The following MTARC1 variants were observed in gnomAD, a reference collection of about 807,000 sequenced individuals.
MTARC1 encodes the protein mitochondrial amidoxime-reducing component 1.
MTARC1 carries 24 observed loss-of-function variants against 33.6 expected under a neutral mutation model. The observed-to-expected ratio is 0.72, with a 90% CI of 0.52 to 1.01. The LOEUF is 1.01. MTARC1 is among the 50% of genes least tolerant of loss of function. The pLI, the probability that MTARC1 is intolerant of heterozygous loss-of-function variation, is 0.00. For synonymous variants in MTARC1, 187 were observed against 189.5 expected (o/e 0.99, Z 0.11); for missense variants, 417 against 445.7 (o/e 0.94, Z 0.58).
At chr1:220,804,717 C>T (rs919930441) in intron 4 of MTARC1, among the ~76,000 whole-genome samples, 2 of 151,090 alleles carry the variant, frequency 1.3e-5, no homozygotes, top group African/African-American at 4.9e-5. Context: ...CACTTTCACC[C>T]ACCCCATTCA....
rs1558081488 is a variant in MTARC1, at chr1:220,787,121, GC to G, written c.178del (p.Gln60SerfsTer7). 6.5e-7 allele frequency: 1 copy of G among 1,547,476 alleles called. No homozygotes were observed. The highest frequency in any genetic ancestry group is 1.9e-5 in the Admixed American group (1 of 51,390). ...TGCTGCAGCAGGTGGGCACAGTGGC[GC>G]AGCTCTGGATCTACCCTGTGAAATC... ...RLLQQVGTVA[Q>X]LWIYPVKSCK... On this transcript the variant is annotated frameshift_variant, in exon 1 of 7. Transcript: ENST00000366910. LOFTEE classifies it high-confidence loss of function.
chr1:220,807,275 A>G (rs1029292016), intron 6 of MTARC1, among the ~76,000 whole-genome samples: 7 of 152,200 alleles, frequency 4.6e-5, no homozygotes, highest in Non-Finnish European at 1.0e-4. Context: ...GGATAGATAC[A>G]TGTGTGATAA....
chr1:220,810,568 C>T (rs1673099662), intron 6 of MTARC1, among the ~76,000 whole-genome samples: 1 of 149,734 alleles, frequency 6.7e-6, no homozygotes, highest in Non-Finnish European at 1.5e-5. Context: ...CAAAGCAGCT[C>T]CCTCACCCCG....
At chr1:220,804,309 A>C (rs1672901796) in intron 4 of MTARC1, among the ~76,000 whole-genome samples, 2 of 152,200 alleles carry the variant, frequency 1.3e-5, no homozygotes, top group Admixed American at 1.3e-4. Flanking sequence ...CATTGCCAGC[A>C]CAGTTAAACC....
chr1:220,790,367 A>C (rs1179804080), intron 1 of MTARC1, among the ~76,000 whole-genome samples: 1 of 152,226 alleles, frequency 6.6e-6, no homozygotes, highest in East Asian at 1.9e-4. Flanking sequence ...TCCTGAAAGC[A>C]GGAACCATGG....
Position 220,813,849 on chromosome 1 carries a change from C to T in MTARC1, c.*431C>T, listed in dbSNP as rs553601232. ...TGTTATTGCCCCTGTTCATGAGGTA[C>T]GCAATGAAAATTAAATTGCACCCCA... On this transcript the variant is annotated 3_prime_UTR_variant, in exon 7 of 7. Transcript: ENST00000366910. 8 of 160,034 alleles carry T rather than the reference C, an allele frequency of 5.0e-5. No individual in the cohort carries two copies. In the East Asian group the frequency reaches 5.2e-4, roughly 10 times the overall value. 9.9% of individuals were successfully genotyped at this position (160,034 alleles called of 1,614,324 possible).
chr1:220,810,535 CG>C (rs1379840146), intron 6 of MTARC1, among the ~76,000 whole-genome samples: 1 of 152,136 alleles, frequency 6.6e-6, no homozygotes, highest in Non-Finnish European at 1.5e-5. Context: ...ACCTGTGAGC[CG>C]GTGACCACAC....
chr1:220,796,778 A>G lies in MTARC1; in HGVS notation c.585A>G (p.Ile195Met). Residue 195 changes from isoleucine (I) to methionine (M), a missense_variant, in exon 3 of 7, where the codon ATA becomes ATG. Transcript: ENST00000366910. ...TGCGACCGAGACGTCCTCATCAAAT[A>G]GCAGACTTGTTCCGACCCAAGGACC... ...PHMRPRRPHQIADLFRPKDQI... is the reference protein window; with the variant it reads ...PHMRPRRPHQMADLFRPKDQI... The G allele has an allele frequency of 1.2e-6, 2 of 1,612,092 alleles. No individual in the cohort carries two copies. Among genetic ancestry groups the G allele is most frequent in the Non-Finnish European group, 1.7e-6 (2 of 1,179,136 alleles).
In MTARC1 at chr1:220,816,855, C is replaced by T. The variant is rs1673291715; in HGVS notation, c.*3437C>T. On this transcript the variant is annotated 3_prime_UTR_variant, in exon 7 of 7. Coordinates refer to ENST00000366910, the MANE Select transcript of MTARC1 (RefSeq NM_022746.4). ...TGTGGAGAAGTGTCTTAGACCAGCT[C>T]TCCTGTTGTGGGCCTTAGGGAGAAG... 1 of 152,424 alleles carries T rather than the reference C, an allele frequency of 6.6e-6. No individual in the cohort carries two copies. The highest frequency in any genetic ancestry group is 2.4e-5 in the African/African-American group (1 of 41,558). 9.4% of individuals were successfully genotyped at this position (152,424 alleles called of 1,614,324 possible).
intron 2 of MTARC1, among the ~76,000 whole-genome samples, chr1:220,795,203 T>C (rs1366164352): frequency 1.3e-5 from 2 of 152,182 alleles, no homozygotes; most frequent in Admixed American, 6.5e-5. Context: ...ACTGAGCATA[T>C]CCCAGTCCTA....
chr1:220,797,844 G>A, intron 3 of MTARC1, 30 bp from the exon 4 acceptor site: 1 of 1,610,456 alleles, frequency 6.2e-7, no homozygotes, highest in Non-Finnish European at 8.5e-7. Flanking sequence ...GGTGTGCCAT[G>A]TGTTATAACA....
chr1:220,812,531 T>C (rs191466875), intron 6 of MTARC1, among the ~76,000 whole-genome samples: 1 of 152,292 alleles, frequency 6.6e-6, no homozygotes, highest in East Asian at 1.9e-4. Flanking sequence ...AGTCAAATGA[T>C]GTTGTACAGG....
intron 6 of MTARC1, chr1:220,808,854 T>C: frequency 2.1e-6 from 1 of 471,184 alleles, no homozygotes; most frequent in Non-Finnish European, 4.4e-6. Flanking sequence ...CTTTTCTTTC[T>C]TAAGGGAAAG....
intron 4 of MTARC1, among the ~76,000 whole-genome samples, chr1:220,803,635 C>G (rs1672881524): frequency 6.6e-6 from 1 of 152,130 alleles, no homozygotes; most frequent in Admixed American, 6.5e-5. Flanking sequence ...CTGGTCACCT[C>G]CAGGTGCTGT....
rs996056141 is a variant in MTARC1, at chr1:220,818,886, G to A, written c.*5468G>A. 3.3e-5 allele frequency: 5 copies of A among 152,256 alleles called. No individual in the cohort carries two copies. Among genetic ancestry groups the A allele is most frequent in the Non-Finnish European group, 5.9e-5 (4 of 68,048 alleles). The allele number at this position is 152,256 out of a possible 1,614,324, so 9.4% of individuals were successfully genotyped here. On this transcript the variant is annotated 3_prime_UTR_variant, in exon 7 of 7. Transcript: ENST00000366910. Reference sequence around the variant, plus strand: ...CCGAGGCCCAGGACGGCCGAGGACAGCTGGAGAGCTCTTCGTTGCAGGCAG... The same window carrying A: ...CCGAGGCCCAGGACGGCCGAGGACAACTGGAGAGCTCTTCGTTGCAGGCAG...
intron 6 of MTARC1, among the ~76,000 whole-genome samples, chr1:220,805,748 G>A (rs1160406399): frequency 1.3e-5 from 2 of 152,184 alleles, no homozygotes; most frequent in Admixed American, 6.5e-5. Flanking sequence ...TTTTAAAAAT[G>A]TGTCACAATC....
At chr1:220,805,889 TATAAAG>T (rs1416362990) in intron 6 of MTARC1, among the ~76,000 whole-genome samples, 18 of 152,230 alleles carry the variant, frequency 1.2e-4, no homozygotes, top group Non-Finnish European at 2.5e-4. Flanking sequence ...TTAAATTGTA[TATAAAG>T]ATAGTCAAGA....
chr1:220,801,296 G>T (rs1239112617), intron 4 of MTARC1, among the ~76,000 whole-genome samples: 1 of 151,902 alleles, frequency 6.6e-6, no homozygotes, highest in Non-Finnish European at 1.5e-5. Context: ...GCTCACTCCA[G>T]TGCCTCTTTC....
intron 1 of MTARC1, among the ~76,000 whole-genome samples, chr1:220,788,573 G>T (rs1384008882): frequency 1.3e-5 from 2 of 152,126 alleles, no homozygotes; most frequent in South Asian, 2.1e-4. Flanking sequence ...TGGATCACAA[G>T]GTCAGGAGAT....
Sources: gnomAD v4.1 joint callset for allele counts (sites outside exome capture counted in the v4.1 genomes callset) on GRCh38, gnomAD v4.1.1 for gene constraint, MANE v1.5 for transcripts, NCBI Gene and HGNC (gene_info 2026-07-23, HGNC 2026-07-21) for gene names.